The following FBXL7 variants were observed in gnomAD, a reference collection of about 807,000 sequenced individuals.
The protein encoded by FBXL7 is F-box/LRR-repeat protein 7.
In FBXL7, 12 loss-of-function variants were observed where a neutral mutation model predicts 38.3. That is an observed-to-expected ratio of 0.31 (90% CI 0.20 to 0.51). The LOEUF (loss-of-function observed/expected upper bound fraction) is 0.51, where lower values mean the gene tolerates loss of function less well. Ranked by LOEUF, FBXL7 falls within the 20% of genes least tolerant of loss-of-function variation. FBXL7 has a pLI of 0.98. For synonymous variants in FBXL7, 297 were observed against 300.9 expected, an observed-to-expected ratio of 0.99 and a Z score of 0.13; for missense variants, 567 against 676.4, an observed-to-expected ratio of 0.84 and a Z score of 1.79.
chr5:15,612,537 CTT>C lies in FBXL7; in HGVS notation c.38-3444_38-3443del, dbSNP rs1740282490. Among the ~76,000 whole-genome samples the C allele has an allele frequency of 2.0e-5, 3 of 152,080 alleles. No homozygotes were observed. The South Asian group carries it at 6.2e-4, about 32-fold the overall frequency. On this transcript the variant is annotated intron_variant, in intron 1 of 3. Transcript: ENST00000504595. ...CTGAAATTTGTTGTTTTATTTTGTG[CTT>C]TCATTTTCATGATAATCTTAAAAAT...
intron 1 of FBXL7, among the ~76,000 whole-genome samples, chr5:15,504,506 G>T (rs1736591618): frequency 6.6e-6 from 1 of 152,166 alleles, no homozygotes; most frequent in African/African-American, 2.4e-5. Flanking sequence ...AATCGATAAT[G>T]AGTGTTTCCA....
In FBXL7 at chr5:15,634,613, G is replaced by T. The variant is rs140325142; in HGVS notation, c.127+18541G>T. 5.4e-3 allele frequency among the ~76,000 whole-genome samples: 817 copies of T among 152,102 alleles called. 9 individuals carry two copies. Among genetic ancestry groups the T allele is most frequent in the African/African-American group, 0.019 (781 of 41,492 alleles). Reference sequence around the variant, plus strand: ...TGAGATTACAGGCGTGAGCCACTGCGCCTGGCTTTATGCATCAGTTTCCTG... The same window carrying T: ...TGAGATTACAGGCGTGAGCCACTGCTCCTGGCTTTATGCATCAGTTTCCTG... On this transcript the variant is annotated intron_variant, in intron 2 of 3. Transcript: ENST00000504595.
At chr5:15,854,550 C>G (rs1359308242) in intron 2 of FBXL7, among the ~76,000 whole-genome samples, 1 of 152,160 alleles carries the variant, frequency 6.6e-6, no homozygotes, top group Non-Finnish European at 1.5e-5. Flanking sequence ...AAGTTCAACT[C>G]AAATGCTTTT....
chr5:15,681,335 G>T (rs1742836348), intron 2 of FBXL7, among the ~76,000 whole-genome samples: 1 of 152,198 alleles, frequency 6.6e-6, no homozygotes, highest in South Asian at 2.1e-4. Flanking sequence ...ATACTCATCA[G>T]TAGGGGACTT....
intron 2 of FBXL7, among the ~76,000 whole-genome samples, chr5:15,731,218 C>T (rs938287732): frequency 6.6e-6 from 1 of 152,192 alleles, no homozygotes; most frequent in Non-Finnish European, 1.5e-5. Flanking sequence ...CTGATAAAGA[C>T]ATACCCAAGA....
At chr5:15,782,769 T>C (rs1451546392) in intron 2 of FBXL7, among the ~76,000 whole-genome samples, 2 of 152,140 alleles carry the variant, frequency 1.3e-5, no homozygotes, top group Non-Finnish European at 1.5e-5. Context: ...GAAGGCATTT[T>C]CTTGTGAAAA....
chr5:15,553,937 A>G (rs1738159557), intron 1 of FBXL7, among the ~76,000 whole-genome samples: 1 of 152,012 alleles, frequency 6.6e-6, no homozygotes, highest in South Asian at 2.1e-4. Flanking sequence ...GTTTGTCTTC[A>G]CAATTCTGCT....
intron 2 of FBXL7, among the ~76,000 whole-genome samples, chr5:15,793,572 G>C (rs1737332376): frequency 6.6e-6 from 1 of 152,154 alleles, no homozygotes; most frequent in Admixed American, 6.5e-5. Flanking sequence ...AGGTTCAAGA[G>C]GTTAGAACAT....
At position 15,548,367 on chromosome 5, in the gene FBXL7, A is replaced by G. The variant is rs373464488; in HGVS notation, c.37+47654A>G. 9.2e-5 allele frequency among the ~76,000 whole-genome samples: 14 copies of G among 152,308 alleles called. No individual in the cohort carries two copies. In the East Asian group the frequency reaches 1.9e-3, roughly 21 times the overall value. On this transcript the variant is annotated intron_variant, in intron 1 of 3. Transcript: ENST00000504595. ...ATGTACATTAAAATTCATCCTAATTACTTAATTGACATACCTCATTAACAA... is the reference window on the plus strand; with the variant it reads ...ATGTACATTAAAATTCATCCTAATTGCTTAATTGACATACCTCATTAACAA...
chr5:15,735,042 C>T (rs1735709911), intron 2 of FBXL7, among the ~76,000 whole-genome samples: 1 of 152,184 alleles, frequency 6.6e-6, no homozygotes, highest in Non-Finnish European at 1.5e-5. Flanking sequence ...AGCGATTCTC[C>T]TGCCTCAGCC....
chr5:15,619,641 A>G (rs1408660838), intron 2 of FBXL7, among the ~76,000 whole-genome samples: 1 of 152,336 alleles, frequency 6.6e-6, no homozygotes, highest in Non-Finnish European at 1.5e-5. Context: ...TATCACCTTC[A>G]GGGAGCACAG....
chr5:15,937,233 G>A lies in FBXL7; in HGVS notation c.*47G>A. The stretch of plus-strand genomic sequence containing the variant: ...TTGTATTCACACAAACCTGAACAAA[G>A]CAAATTTTTTTAAAAGCAGCGTATG... On this transcript the variant is annotated 3_prime_UTR_variant, in exon 4 of 4. Transcript: ENST00000504595. The A allele has an allele frequency of 1.3e-6, 2 of 1,486,296 alleles. No homozygotes were observed. The highest frequency in any genetic ancestry group is 1.8e-6 in the Non-Finnish European group (2 of 1,120,802). The allele number at this position is 1,486,296 out of a possible 1,614,324, so 92.1% of individuals were successfully genotyped here. A position where few individuals can be genotyped will look rare whatever the true frequency, so the allele number is the denominator to read the frequency against.
In FBXL7 at chr5:15,936,792, G is replaced by T. The variant is rs867965483; in HGVS notation, c.1082G>T (p.Gly361Val). The change falls in exon 4 of 4, where the codon GGC (glycine) becomes GTC (valine). Residue 361 changes from glycine to valine, a missense_variant. Transcript: ENST00000504595. This position sits in a 1 kb window ranked among gnomAD's most constrained non-coding sequence, Gnocchi z 6.0. ...RLRYLSIAHC[G>V]RVTDVGIRYV... ...CGGTACCTGAGCATCGCGCACTGCG[G>T]CCGGGTCACCGACGTGGGCATCCGC... 3 of 1,612,196 alleles carry T rather than the reference G, an allele frequency of 1.9e-6. No individual in the cohort carries two copies. The highest frequency in any genetic ancestry group is 2.5e-6 in the Non-Finnish European group (3 of 1,179,454).
chr5:15,837,888 T>C (rs1738635458), intron 2 of FBXL7, among the ~76,000 whole-genome samples: 1 of 152,162 alleles, frequency 6.6e-6, no homozygotes. Flanking sequence ...GTAGCATTTA[T>C]TTTTAGAGAG....
intron 1 of FBXL7, among the ~76,000 whole-genome samples, chr5:15,550,359 T>C (rs1322808674): frequency 1.3e-5 from 2 of 152,002 alleles, no homozygotes; most frequent in African/African-American, 4.8e-5. Flanking sequence ...GCTGAGATGG[T>C]GTGATTGGTA....
chr5:15,711,684 T>A (rs1362740878), intron 2 of FBXL7, among the ~76,000 whole-genome samples: 1 of 152,002 alleles, frequency 6.6e-6, no homozygotes, highest in Non-Finnish European at 1.5e-5. Context: ...TGGGACATAA[T>A]CCCAAAAGAC....
intron 1 of FBXL7, among the ~76,000 whole-genome samples, chr5:15,585,046 G>T (rs1200117337): frequency 6.6e-6 from 1 of 152,124 alleles, no homozygotes; most frequent in Non-Finnish European, 1.5e-5. Flanking sequence ...AATAATTTAT[G>T]ATTTATAATT....
chr5:15,930,454 C>T (rs545916201), intron 3 of FBXL7, among the ~76,000 whole-genome samples: 5 of 152,292 alleles, frequency 3.3e-5, no homozygotes, highest in South Asian at 2.1e-4. Flanking sequence ...TTCCCATGCA[C>T]TCTTAATACA....
At chr5:15,802,890 T>C (rs1737609260) in intron 2 of FBXL7, among the ~76,000 whole-genome samples, 1 of 152,158 alleles carries the variant, frequency 6.6e-6, no homozygotes, top group African/African-American at 2.4e-5. Context: ...CAACCTCAGG[T>C]GATCCGCCTG....
Sources: gnomAD v4.1 joint callset for allele counts (sites outside exome capture counted in the v4.1 genomes callset) on GRCh38, gnomAD v4.1.1 for gene constraint, Gnocchi (gnomAD v3.1) non-coding constraint, MANE v1.5 for transcripts, NCBI Gene and HGNC (gene_info 2026-07-23, HGNC 2026-07-21) for gene names.